Variants in ANK3 observed in about 807,000 individuals in gnomAD.
ANK3 encodes ankyrin-3.
A neutral mutation model predicts 370.9 loss-of-function variants in ANK3; 57 were observed. The ratio of observed to expected loss-of-function variants is 0.15; its 90% CI spans 0.12 to 0.19. ANK3 has a LOEUF of 0.19. Among genes scored for constraint, ANK3 ranks in the 10% least tolerant of loss-of-function variants. ANK3 has a pLI of 1.00. For missense variants in ANK3, 4,439 were observed against 5,302.1 expected (o/e 0.84, Z 5.06); for synonymous variants, 1,929 against 1,946.3 (o/e 0.99, Z 0.23).
At chr10:60,694,620 AC>A (rs1564569792) in intron 1 of ANK3, among the ~76,000 whole-genome samples, 3 of 152,224 alleles carry the variant, frequency 2.0e-5, no homozygotes, top group African/African-American at 7.2e-5. Context: ...AGAATTTTCA[AC>A]CCAGAATTTC....
At chr10:60,511,868 C>T (rs2133164030) in intron 2 of ANK3, among the ~76,000 whole-genome samples, 1 of 151,366 alleles carries the variant, frequency 6.6e-6, no homozygotes, top group East Asian at 2.0e-4. Context: ...AAGAGAGATT[C>T]AAATGCCTCT....
intron 1 of ANK3, among the ~76,000 whole-genome samples, chr10:60,702,223 G>A (rs376654781): frequency 6.7e-5 from 10 of 150,162 alleles, no homozygotes; most frequent in South Asian, 4.2e-4. Flanking sequence ...CTGTGATTTC[G>A]CCACTGCACT....
intron 1 of ANK3, among the ~76,000 whole-genome samples, chr10:60,689,561 G>A (rs1236151773): frequency 6.6e-6 from 1 of 152,054 alleles, no homozygotes; most frequent in Non-Finnish European, 1.5e-5. Flanking sequence ...AGACCAGCCT[G>A]GCTAACATGG....
chr10:60,273,723 T>C (rs1271140554), intron 4 of ANK3, among the ~76,000 whole-genome samples: 1 of 152,152 alleles, frequency 6.6e-6, no homozygotes, highest in Non-Finnish European at 1.5e-5. Context: ...CAGGTGGAGA[T>C]AATTGAATCA....
intron 1 of ANK3, among the ~76,000 whole-genome samples, chr10:60,623,314 G>A (rs2078363701): frequency 6.6e-6 from 1 of 152,096 alleles, no homozygotes; most frequent in South Asian, 2.1e-4. Context: ...TACAAAGAAA[G>A]GGATCCAAAA....
chr10:60,153,248 T>C (rs922363063), intron 23 of ANK3, among the ~76,000 whole-genome samples: 12 of 152,222 alleles, frequency 7.9e-5, no homozygotes, highest in Non-Finnish European at 1.6e-4. Flanking sequence ...CCAATGTATA[T>C]GTTTAAAGGC....
At position 60,074,169 on chromosome 10, in the gene ANK3, T is replaced by A; in HGVS notation, c.6712A>T (p.Met2238Leu). ...DDHNRVLSKG[M>L]RVKEETHITT... Reference sequence around the variant, plus strand: ...ATGTGAGTCTCTTCTTTAACACGCATGCCTTTGCTTAAAACCCGATTGTGG... The same window carrying A: ...ATGTGAGTCTCTTCTTTAACACGCAAGCCTTTGCTTAAAACCCGATTGTGG... The change falls in exon 37 of 44, where the codon ATG becomes TTG. Residue 2238 changes from methionine (M) to leucine (L), a missense_variant. By Grantham distance (15) the Met-to-Leu change is conservative. Coordinates refer to ENST00000280772, the MANE Select transcript of ANK3 (RefSeq NM_020987.5). 1.2e-6 allele frequency: 2 copies of A among 1,614,104 alleles called. No individual in the cohort carries two copies. Among genetic ancestry groups the A allele is most frequent in the Non-Finnish European group, 1.7e-6 (2 of 1,179,988 alleles).
At chr10:60,270,597 A>T (rs1039115187) in intron 4 of ANK3, among the ~76,000 whole-genome samples, 6 of 152,192 alleles carry the variant, frequency 3.9e-5, no homozygotes, top group Non-Finnish European at 5.9e-5. Flanking sequence ...ATGCTATGAG[A>T]CTATGAAGAA....
chr10:60,706,087 G>T (rs147362662), intron 1 of ANK3, among the ~76,000 whole-genome samples: 3 of 152,186 alleles, frequency 2.0e-5, no homozygotes, highest in African/African-American at 7.2e-5. Flanking sequence ...GTGTCCCAAC[G>T]TGTTGGCATG....
intron 28 of ANK3, among the ~76,000 whole-genome samples, chr10:60,102,209 A>G (rs1280571910): frequency 6.7e-6 from 1 of 150,016 alleles, no homozygotes; most frequent in East Asian, 1.9e-4. Flanking sequence ...AGAAGAAAGT[A>G]CCCCTATGTC....
intron 2 of ANK3, among the ~76,000 whole-genome samples, chr10:60,469,000 T>C (rs1218293162): frequency 2.1e-4 from 6 of 27,998 alleles, no homozygotes; most frequent in African/African-American, 7.1e-4. Flanking sequence ...TTAGTGTGTA[T>C]ATATATATAT....
rs943138945 is a variant in ANK3, at chr10:60,279,273, G to T, written c.217-125C>A. On this transcript the variant is annotated intron_variant, in intron 2 of 43. Coordinates refer to ENST00000280772, the MANE Select transcript of ANK3 (RefSeq NM_020987.5). ...GATCACTTGCATGTATGCTGTGCAG[G>T]AACTTGAATCTTGAATTAGGAATCA... The T allele has an allele frequency of 8.5e-6, 7 of 826,226 alleles. No individual in the cohort carries two copies. The African/African-American group carries it at 1.0e-4, about 12-fold the overall frequency. The allele number at this position is 826,226 out of a possible 1,614,324, so 51.2% of individuals were successfully genotyped here. A position where few individuals can be genotyped will look rare whatever the true frequency, so the allele number is the denominator to read the frequency against.
chr10:60,285,869 G>T (rs968936170), intron 1 of ANK3, among the ~76,000 whole-genome samples: 8 of 152,064 alleles, frequency 5.3e-5, no homozygotes, highest in African/African-American at 1.9e-4. Flanking sequence ...AATATCCGAA[G>T]ATTATCCTAG....
chr10:60,289,468 G>C (rs1044776772), intron 1 of ANK3, among the ~76,000 whole-genome samples: 3 of 151,914 alleles, frequency 2.0e-5, no homozygotes, highest in African/African-American at 7.2e-5. Flanking sequence ...CTGGAGTGCA[G>C]TGGCATTATC....
At chr10:60,403,110 T>A (rs2063384881) in intron 2 of ANK3, among the ~76,000 whole-genome samples, 1 of 152,064 alleles carries the variant, frequency 6.6e-6, no homozygotes, top group Non-Finnish European at 1.5e-5. Flanking sequence ...TGAATATATT[T>A]CTCAAAAAAT....
At chr10:60,456,208 T>C (rs946037114) in intron 2 of ANK3, among the ~76,000 whole-genome samples, 20 of 152,162 alleles carry the variant, frequency 1.3e-4, no homozygotes, top group South Asian at 2.1e-4. Flanking sequence ...GTAAAATGCC[T>C]GTGAGAGCCG....
chr10:60,173,316 A>G (rs1358862227), intron 18 of ANK3, 130 bp from the exon 19 acceptor site: 2 of 679,562 alleles, frequency 2.9e-6, no homozygotes, highest in South Asian at 5.0e-5. Context: ...TTTCTTCTCT[A>G]TATTAAAAAA....
chr10:60,416,870 A>C (rs1389394207), intron 2 of ANK3, among the ~76,000 whole-genome samples: 1 of 152,172 alleles, frequency 6.6e-6, no homozygotes, highest in East Asian at 1.9e-4. Context: ...CAATCCATGA[A>C]ACCGTACACT....
At chr10:60,285,435 G>T (rs2098229970) in intron 1 of ANK3, among the ~76,000 whole-genome samples, 1 of 152,086 alleles carries the variant, frequency 6.6e-6, no homozygotes, top group Admixed American at 6.5e-5. Flanking sequence ...AATCACCAAT[G>T]ACCTTCCAGT....
Sources: allele counts gnomAD v4.1 joint callset (sites outside exome capture counted in the v4.1 genomes callset), GRCh38; gene constraint gnomAD v4.1.1; transcripts MANE v1.5; gene names NCBI Gene and HGNC (gene_info 2026-07-23, HGNC 2026-07-21).